The following CHD2 variants were observed in gnomAD, a reference collection of about 807,000 sequenced individuals.
The protein encoded by CHD2 is chromodomain helicase DNA binding protein 2, also known as ATP-dependent chromatin remodeler CHD2.
A neutral mutation model predicts 243.9 loss-of-function variants in CHD2; 28 were observed. The observed-to-expected ratio is 0.11, with a 90% CI of 0.09 to 0.16. The LOEUF is 0.16. Ranked by LOEUF, CHD2 falls within the 10% of genes least tolerant of loss-of-function variation. The probability of loss-of-function intolerance (pLI) is 1.00; values close to 1 mark genes in which losing one functional copy is unlikely to be tolerated. For missense variants in CHD2, 1,386 were observed against 2,209.8 expected (o/e 0.63, Z 7.47); for synonymous variants, 775 against 779.0 (o/e 0.99, Z 0.09).
In CHD2 at chr15:92,997,035, A is replaced by G; in HGVS notation, c.3674A>G (p.His1225Arg). ...GTTAATGTGAAATCCATTATCCAAC[A>G]TGAAGAGGAGTTTGAGATGCTGCAT... is the stretch of plus-strand genomic sequence containing the variant. Reference protein sequence around the residue: ...VQVNVKSIIQHEEEFEMLHKS... With the variant: ...VQVNVKSIIQREEEFEMLHKS... The change falls in exon 29 of 39, where the codon CAT (histidine) becomes CGT (arginine). Residue 1225 changes from histidine (H) to arginine (R), a missense_variant. Around this residue, in one of 19 missense-constraint regions of CHD2, gnomAD observed 99 missense variants for 176.9 expected, o/e 0.56. Transcript: ENST00000394196. The surrounding 1 kb of genome is among the most constrained non-coding windows in gnomAD (Gnocchi z 4.1). 1 of 1,614,014 alleles carries G rather than the reference A, an allele frequency of 6.2e-7. No homozygotes were observed. Among genetic ancestry groups the G allele is most frequent in the Non-Finnish European group, 8.5e-7 (1 of 1,179,968 alleles).
chr15:93,015,001 T>G, intron 37 of CHD2, 92 bp downstream of exon 37: 2 of 971,318 alleles, frequency 2.1e-6, no homozygotes, highest in Non-Finnish European at 3.2e-6. Flanking sequence ...GCTAGACTTC[T>G]GTGCTTTATT....
intron 10 of CHD2, 25 bp from the exon 11 acceptor site, chr15:92,945,796 T>C: frequency 6.7e-7 from 1 of 1,487,682 alleles, no homozygotes; most frequent in Non-Finnish European, 9.2e-7. Flanking sequence ...TTATAACTTT[T>C]CTGTCTTATT....
rs149632554 is a variant in CHD2, at chr15:92,942,976, A to T, written c.960A>T (p.Thr320=). The stretch of plus-strand genomic sequence containing the variant: ...AGGGTTGGTCTTACATCCACAGCAC[A>T]TGGGAGAGTGAAGAATCCTTACAGC... The part of the protein sequence containing the change: ...KWKGWSYIHS[T]WESEESLQQQ... Residue 320 remains threonine, a synonymous_variant, in exon 9 of 39, where the codon ACA becomes ACT. Transcript: ENST00000394196. 1,798 of 1,614,142 alleles carry T rather than the reference A, an allele frequency of 1.1e-3. 3 individuals are homozygous for T. The highest frequency in any genetic ancestry group is 4.8e-3 in the Middle Eastern group (29 of 6,062).
At chr15:93,005,484 C>T (rs2054308830) in intron 34 of CHD2, among the ~76,000 whole-genome samples, 1 of 152,104 alleles carries the variant, frequency 6.6e-6, no homozygotes, top group Non-Finnish European at 1.5e-5. Context: ...TCTGTGGTCT[C>T]TTCTCCCCAT....
chr15:92,991,822 G>T, intron 27 of CHD2: 1 of 240,498 alleles, frequency 4.2e-6, no homozygotes. Flanking sequence ...TGTAACTCCA[G>T]TTGAAAAGAA....
intron 2 of CHD2, among the ~76,000 whole-genome samples, chr15:92,917,785 A>T (rs940213800): frequency 7.9e-5 from 12 of 152,210 alleles, no homozygotes; most frequent in African/African-American, 2.9e-4. Flanking sequence ...TATCTTACAC[A>T]CGCACATACA....
intron 28 of CHD2, among the ~76,000 whole-genome samples, chr15:92,994,036 T>G (rs1023434998): frequency 2.0e-5 from 3 of 152,194 alleles, no homozygotes; most frequent in Admixed American, 6.5e-5. Flanking sequence ...TTCTCCAGAC[T>G]GTGGTTTATC....
At chr15:93,022,965 G>A (rs992703752) in intron 38 of CHD2, among the ~76,000 whole-genome samples, 6 of 152,182 alleles carry the variant, frequency 3.9e-5, no homozygotes, top group Admixed American at 2.0e-4. Flanking sequence ...TCTAGTCCCT[G>A]TTATTCCATT....
At chr15:92,981,215 A>G in intron 23 of CHD2, 150 bp from the exon 24 acceptor site, 1 of 608,102 alleles carries the variant, frequency 1.6e-6, no homozygotes, top group Non-Finnish European at 2.9e-6. Flanking sequence ...TAAAAGATGT[A>G]GAGTTGAAAC....
intron 2 of CHD2, chr15:92,902,659 CTAGAT>C (rs1372442582): frequency 6.6e-6 from 1 of 152,336 alleles, no homozygotes; most frequent in Non-Finnish European, 1.5e-5. Flanking sequence ...ATGTAAATTA[CTAGAT>C]TAAATTGAGG....
At chr15:92,994,394 T>G (rs1485569039) in intron 28 of CHD2, among the ~76,000 whole-genome samples, 1 of 151,996 alleles carries the variant, frequency 6.6e-6, no homozygotes, top group East Asian at 1.9e-4. Context: ...AAGATTTTAA[T>G]AATAAAAAAT....
rs1237418210 is a variant in CHD2, at chr15:93,024,689, A to G, written c.5471A>G (p.Asn1824Ser). The change falls in exon 39 of 39, where the codon AAT (asparagine) becomes AGT (serine). Residue 1824 changes from asparagine to serine, a missense_variant. Coordinates refer to ENST00000394196, the MANE Select transcript of CHD2 (RefSeq NM_001271.4). ...EQKNNPDYNW[N>S]VRKT The stretch of plus-strand genomic sequence containing the variant: ...AAAAACAACCCAGATTATAACTGGA[A>G]TGTTCGGAAAACATAAAGGACAGCT... 4.3e-6 allele frequency: 7 copies of G among 1,610,450 alleles called. No homozygotes were observed. Among genetic ancestry groups the G allele is most frequent in the African/African-American group, 4.0e-5 (3 of 74,714 alleles).
intron 24 of CHD2, among the ~76,000 whole-genome samples, chr15:92,982,697 G>T (rs2053994862): frequency 1.3e-5 from 2 of 152,256 alleles, no homozygotes; most frequent in South Asian, 4.2e-4. Context: ...GAAATTGTGT[G>T]AAGTGTTTGG....
chr15:92,953,682 T>A (rs2141811897), intron 14 of CHD2, 109 bp downstream of exon 14: 1 of 974,852 alleles, frequency 1.0e-6, no homozygotes, highest in East Asian at 2.5e-5. Flanking sequence ...ATTATTCTGA[T>A]ACTGTGCTGT....
chr15:92,992,302 G>A (rs373399639), intron 27 of CHD2, among the ~76,000 whole-genome samples: 2 of 152,162 alleles, frequency 1.3e-5, no homozygotes, highest in Non-Finnish European at 1.5e-5. Flanking sequence ...GGGGTAGACT[G>A]TCTGTTTTTG....
intron 28 of CHD2, 191 bp downstream of exon 28, chr15:92,993,189 TTTGCAGAA>T (rs2054142851): frequency 7.0e-6 from 4 of 569,166 alleles, no homozygotes; most frequent in Non-Finnish European, 1.2e-5. Flanking sequence ...ATGAAGTTGA[TTTGCAGAA>T]GGTGTAGAGT....
At chr15:92,979,802 C>G (rs1246201323) in intron 22 of CHD2, among the ~76,000 whole-genome samples, 4 of 152,078 alleles carry the variant, frequency 2.6e-5, no homozygotes, top group African/African-American at 4.8e-5. Context: ...CCTGTAGTCT[C>G]AGCTACTTGG....
intron 7 of CHD2, among the ~76,000 whole-genome samples, 162 bp downstream of exon 7, chr15:92,939,880 T>C (rs1390072120): frequency 6.6e-6 from 1 of 151,996 alleles, no homozygotes; most frequent in Non-Finnish European, 1.5e-5. Flanking sequence ...GCAAAAAGAG[T>C]GGTATTGAGC....
chr15:92,909,049 G>T (rs1219408328), intron 2 of CHD2, among the ~76,000 whole-genome samples: 1 of 149,106 alleles, frequency 6.7e-6, no homozygotes, highest in Admixed American at 6.8e-5. Flanking sequence ...AAGCTGGGAG[G>T]CGGAGGTTGC....
Sources: allele counts gnomAD v4.1 joint callset (sites outside exome capture counted in the v4.1 genomes callset), GRCh38; gene constraint gnomAD v4.1.1; regional missense constraint gnomAD v4.1.1; non-coding constraint Gnocchi (gnomAD v3.1); transcripts MANE v1.5; gene names NCBI Gene and HGNC (gene_info 2026-07-23, HGNC 2026-07-21).